Variants in TFPI observed in about 807,000 individuals in gnomAD.
TFPI encodes the protein tissue factor pathway inhibitor.
A neutral mutation model predicts 34.6 loss-of-function variants in TFPI; 15 were observed. The observed-to-expected ratio is 0.43, with a 90% CI of 0.29 to 0.67. TFPI has a LOEUF of 0.67. TFPI is among the 30% of genes least tolerant of loss of function. The pLI is 0.15. For synonymous variants in TFPI, 105 were observed against 120.1 expected, an observed-to-expected ratio of 0.87 and a Z score of 0.82; for missense variants, 301 against 364.0, an observed-to-expected ratio of 0.83 and a Z score of 1.41.
chr2:187,507,266 C>T (rs1436603624), intron 1 of TFPI, among the ~76,000 whole-genome samples: 1 of 152,166 alleles, frequency 6.6e-6, no homozygotes, highest in East Asian at 1.9e-4. Context: ...GCATAGTATT[C>T]CATGGTGTAT....
chr2:187,473,818 C>G (rs541365877), intron 6 of TFPI, among the ~76,000 whole-genome samples: 3 of 150,154 alleles, frequency 2.0e-5, no homozygotes, highest in Admixed American at 6.6e-5. Flanking sequence ...TTTTTCCCCC[C>G]GCATGTGTAT....
intron 6 of TFPI, among the ~76,000 whole-genome samples, chr2:187,479,038 T>C (rs1041471868): frequency 1.3e-5 from 2 of 152,090 alleles, no homozygotes; most frequent in African/African-American, 4.8e-5. Flanking sequence ...GGCCTCCTTA[T>C]GGTAGTGAAA....
At chr2:187,523,628 T>A (rs1008213155) in intron 1 of TFPI, among the ~76,000 whole-genome samples, 2 of 152,144 alleles carry the variant, frequency 1.3e-5, no homozygotes, top group East Asian at 3.8e-4. Context: ...GTGCTGTAGC[T>A]GTCTATGGGT....
At position 187,466,962 on chromosome 2, in the gene TFPI, C is replaced by T. The variant is rs781414695; in HGVS notation, c.889G>A (p.Glu297Lys). 6.3e-7 allele frequency: 1 copy of T among 1,575,504 alleles called. No homozygotes were observed. The highest frequency in any genetic ancestry group is 1.2e-5 in the South Asian group (1 of 86,674). ...CACATATTTTTAACAAAAATTTCTT[C>T]ATATGCTATTTTCACTCTCTGCTTC... ...RKKQRVKIAYEEIFVKNM is the reference protein window; with the variant it reads ...RKKQRVKIAYKEIFVKNM Residue 297 changes from glutamate (E) to lysine (K), a missense_variant, in exon 8 of 8, where the codon GAA becomes AAA. Glu to Lys is a moderately conservative substitution (Grantham distance 56). Coordinates refer to ENST00000233156, the MANE Select transcript of TFPI (RefSeq NM_006287.6).
chr2:187,536,736 G>A (rs916142909), intron 1 of TFPI, among the ~76,000 whole-genome samples: 4 of 150,076 alleles, frequency 2.7e-5, no homozygotes, highest in African/African-American at 4.9e-5. Context: ...TCAGGCAAGG[G>A]CAATCAGGTA....
At chr2:187,538,172 TGTG>T (rs1357153316) in intron 1 of TFPI, among the ~76,000 whole-genome samples, 1 of 152,184 alleles carries the variant, frequency 6.6e-6, no homozygotes, top group Non-Finnish European at 1.5e-5. Flanking sequence ...TGGAAGACAA[TGTG>T]GTGATTCCTC....
At position 187,465,492 on chromosome 2, in the gene TFPI, G is replaced by GAAAAAAAAAAAAAAAACAAAAAAAAAAAA. The variant is rs199557966; in HGVS notation, c.*1443_*1444insTTTTTTTTTTTTGTTTTTTTTTTTTTTTT. Reference sequence around the variant, plus strand: ...AAAACATAACAAAACAAAACAAAATGAAAAAAAAAAAAAAACAAGAAAAAA... The same window carrying GAAAAAAAAAAAAAAAACAAAAAAAAAAAA: ...AAAACATAACAAAACAAAACAAAATGAAAAAAAAAAAAAAAACAAAAAAAAAAAAAAAAAAAAAAAAAAACAAGAAAAAA... On this transcript the variant is annotated 3_prime_UTR_variant, in exon 8 of 8. Coordinates refer to ENST00000233156, the MANE Select transcript of TFPI (RefSeq NM_006287.6). 1 of 67,790 alleles carries GAAAAAAAAAAAAAAAACAAAAAAAAAAAA rather than the reference G, an allele frequency of 1.5e-5. No individual in the cohort carries two copies. Among genetic ancestry groups the GAAAAAAAAAAAAAAAACAAAAAAAAAAAA allele is most frequent in the African/African-American group, 5.6e-5 (1 of 17,702 alleles). 4.2% of individuals were successfully genotyped at this position (67,790 alleles called of 1,614,324 possible).
intron 6 of TFPI, among the ~76,000 whole-genome samples, chr2:187,483,608 A>G (rs1011162088): frequency 6.6e-6 from 1 of 152,032 alleles, no homozygotes; most frequent in African/African-American, 2.4e-5. Flanking sequence ...TTAACAGACA[A>G]GAACATAAAA....
At chr2:187,545,179 G>GT (rs1015294358) in intron 1 of TFPI, among the ~76,000 whole-genome samples, 4 of 152,134 alleles carry the variant, frequency 2.6e-5, no homozygotes, top group Non-Finnish European at 4.4e-5. Context: ...ATTGTACATA[G>GT]TTTTTTAAAG....
intron 3 of TFPI, among the ~76,000 whole-genome samples, chr2:187,490,676 A>G (rs1685060085): frequency 1.3e-5 from 2 of 151,720 alleles, no homozygotes; most frequent in African/African-American, 4.8e-5. Context: ...GAGTGATAAT[A>G]TCTACCTTTT....
At chr2:187,475,491 G>A (rs778677058) in intron 6 of TFPI, among the ~76,000 whole-genome samples, 8 of 152,072 alleles carry the variant, frequency 5.3e-5, no homozygotes, top group South Asian at 2.1e-4. Flanking sequence ...AAAATAGGTC[G>A]TCATCATCAT....
chr2:187,498,107 A>G (rs1345952244), intron 2 of TFPI, among the ~76,000 whole-genome samples: 4 of 151,844 alleles, frequency 2.6e-5, no homozygotes, highest in Non-Finnish European at 5.9e-5. Flanking sequence ...GAGTATAAAT[A>G]TCTTGAAAAA....
At chr2:187,478,762 G>A in intron 6 of TFPI, 1 of 1,613,758 alleles carries the variant, frequency 6.2e-7, no homozygotes, top group Non-Finnish European at 8.5e-7. Context: ...TGGTAAATAT[G>A]AGCCGCATTC....
rs186790058 is a variant in TFPI at position 187,491,618 on chromosome 2, G to A, written c.320-3243C>T. On this transcript the variant is annotated intron_variant, in intron 3 of 7. Transcript: ENST00000233156. ...CAATCATCTGTTAATAGACACTTAC[G>A]TTGATTTTATATCTTTGCTACTGTA... 1.2e-4 allele frequency among the ~76,000 whole-genome samples: 18 copies of A among 152,118 alleles called. No homozygotes were observed. In the East Asian group the frequency reaches 2.5e-3, roughly 21 times the overall value.
chr2:187,553,841 T>C (rs572444654), intron 1 of TFPI, among the ~76,000 whole-genome samples: 1 of 152,174 alleles, frequency 6.6e-6, no homozygotes, highest in East Asian at 1.9e-4. Context: ...AATGGAAAGG[T>C]AAACCGAACT....
intron 6 of TFPI, chr2:187,483,890 A>T (rs1693060342): frequency 6.2e-6 from 3 of 480,750 alleles, no homozygotes; most frequent in Admixed American, 3.9e-5. Flanking sequence ...TTTTCATGTG[A>T]TACATAATCA....
chr2:187,499,270 TA>T (rs1685692941), intron 2 of TFPI, among the ~76,000 whole-genome samples: 1 of 152,040 alleles, frequency 6.6e-6, no homozygotes, highest in East Asian at 1.9e-4. Flanking sequence ...CCATTTTTCT[TA>T]AATTAGATAC....
At chr2:187,547,801 G>A (rs1318873628) in intron 1 of TFPI, 1 of 152,114 alleles carries the variant, frequency 6.6e-6, no homozygotes, top group African/African-American at 2.4e-5. Context: ...ATAAAGACAA[G>A]TTAGTCTAAA....
intron 3 of TFPI, among the ~76,000 whole-genome samples, chr2:187,492,772 AC>A (rs199972859): frequency 2.0e-5 from 3 of 152,008 alleles, no homozygotes; most frequent in African/African-American, 4.8e-5. Context: ...CAATGCCTGT[AC>A]CCCCATTGTA....
Sources: allele counts gnomAD v4.1 joint callset (sites outside exome capture counted in the v4.1 genomes callset), GRCh38; gene constraint gnomAD v4.1.1; transcripts MANE v1.5; gene names NCBI Gene and HGNC (gene_info 2026-07-23, HGNC 2026-07-21).